The following DPP10 variants were observed in gnomAD, a reference collection of about 807,000 sequenced individuals.
DPP10 encodes dipeptidyl peptidase like 10.
In DPP10, 33 loss-of-function variants were observed where a neutral mutation model predicts 120.9. The ratio of observed to expected loss-of-function variants is 0.27; its 90% confidence interval spans 0.21 to 0.37. The LOEUF is 0.37. DPP10 is among the 10% of genes least tolerant of loss of function. The probability of loss-of-function intolerance (pLI) is 1.00; values close to 1 mark genes in which losing one functional copy is unlikely to be tolerated. For missense variants in DPP10, 816 were observed against 942.8 expected, an observed-to-expected ratio of 0.87 and a Z score of 1.76; for synonymous variants, 337 against 326.1, an observed-to-expected ratio of 1.03 and a Z score of -0.36.
intron 2 of DPP10, among the ~76,000 whole-genome samples, chr2:115,314,476 T>G (rs1352408727): frequency 2.6e-5 from 4 of 152,192 alleles, no homozygotes; most frequent in Non-Finnish European, 4.4e-5. Flanking sequence ...AGTACACTTT[T>G]TAGGTGTGCA....
Position 115,288,443 on chromosome 2 carries a change from C to T in DPP10, c.61-20796C>T, listed in dbSNP as rs904628487. On this transcript the variant is annotated intron_variant, in intron 1 of 25. Transcript: ENST00000410059. ...GATAAAAACCCTCAACCTGGTCAGG[C>T]GTGGTGGCTCACACCTGTAATCCCA... Among the ~76,000 whole-genome samples, 9 of 152,134 alleles carry T rather than the reference C, an allele frequency of 5.9e-5. No individual in the cohort carries two copies. The East Asian group carries it at 1.2e-3, about 20-fold the overall frequency.
intron 1 of DPP10, among the ~76,000 whole-genome samples, chr2:114,629,524 TA>T (rs1694764041): frequency 6.6e-6 from 1 of 152,220 alleles, no homozygotes; most frequent in South Asian, 2.1e-4. Context: ...GATAACATTT[TA>T]AAAGAAGTTT....
At chr2:115,581,372 A>G (rs1051548943) in intron 5 of DPP10, among the ~76,000 whole-genome samples, 36 of 152,096 alleles carry the variant, frequency 2.4e-4, no homozygotes, top group Admixed American at 6.6e-4. Context: ...ATCCAGGTTC[A>G]TTATCACCTT....
At chr2:115,801,984 A>G (rs1244981293) in intron 19 of DPP10, among the ~76,000 whole-genome samples, 1 of 151,886 alleles carries the variant, frequency 6.6e-6, no homozygotes, top group East Asian at 2.0e-4. Context: ...TTTTCTATTG[A>G]TTGGAATAGT....
chr2:115,596,878 T>G (rs916451121), intron 5 of DPP10, among the ~76,000 whole-genome samples: 1 of 152,202 alleles, frequency 6.6e-6, no homozygotes, highest in Non-Finnish European at 1.5e-5. Flanking sequence ...TATGTAAATT[T>G]CTTTTACAAA....
At chr2:114,795,862 C>T (rs1374051948) in intron 1 of DPP10, among the ~76,000 whole-genome samples, 3 of 152,116 alleles carry the variant, frequency 2.0e-5, no homozygotes. Context: ...TATCAAAACT[C>T]ATGGACACAC....
At chr2:114,683,952 A>G (rs894586171) in intron 1 of DPP10, among the ~76,000 whole-genome samples, 1 of 152,028 alleles carries the variant, frequency 6.6e-6, no homozygotes, top group African/African-American at 2.4e-5. Context: ...GACAGAATAT[A>G]AACTGCTGAT....
chr2:115,560,822 G>T lies in DPP10; in HGVS notation c.441+34850G>T, dbSNP rs1009859385. On this transcript the variant is annotated intron_variant, in intron 5 of 25. Coordinates refer to ENST00000410059, the MANE Select transcript of DPP10 (RefSeq NM_020868.6). ...GGTCATTATGACCATTAACTCTTCC[G>T]TACGAAAGTATTTTGAAGTGAATCA... Among the ~76,000 whole-genome samples the T allele has an allele frequency of 5.3e-5, 8 of 152,046 alleles. No homozygotes were observed. The South Asian group carries it at 1.0e-3, about 20-fold the overall frequency.
At chr2:115,477,313 G>C (rs2075150068) in intron 3 of DPP10, among the ~76,000 whole-genome samples, 7 of 152,078 alleles carry the variant, frequency 4.6e-5, no homozygotes, top group Admixed American at 4.6e-4. Context: ...TAAGCAAAGT[G>C]ACAGGGTACA....
intron 5 of DPP10, among the ~76,000 whole-genome samples, chr2:115,536,373 T>G (rs2078840323): frequency 6.6e-6 from 1 of 152,020 alleles, no homozygotes; most frequent in Admixed American, 6.6e-5. Flanking sequence ...TTTCATGTGG[T>G]GATATCATAA....
intron 1 of DPP10, among the ~76,000 whole-genome samples, chr2:115,297,808 C>G (rs2105959442): frequency 6.6e-6 from 1 of 152,186 alleles, no homozygotes; most frequent in Admixed American, 6.5e-5. Context: ...CCCCTGAAAT[C>G]AAGCTTAAAG....
intron 5 of DPP10, among the ~76,000 whole-genome samples, chr2:115,665,267 C>A (rs2089355074): frequency 6.6e-6 from 1 of 152,166 alleles, no homozygotes; most frequent in South Asian, 2.1e-4. Flanking sequence ...TTGACAAAGG[C>A]ACATGTTCCT....
intron 1 of DPP10, among the ~76,000 whole-genome samples, chr2:114,908,414 A>C (rs1694131777): frequency 6.6e-6 from 1 of 151,860 alleles, no homozygotes; most frequent in African/African-American, 2.4e-5. Flanking sequence ...TCATTTAATA[A>C]ACATTTCCTG....
intron 2 of DPP10, among the ~76,000 whole-genome samples, chr2:115,332,321 C>G (rs892181400): frequency 2.6e-5 from 4 of 152,006 alleles, no homozygotes; most frequent in South Asian, 2.1e-4. Context: ...CTCTTTACTT[C>G]TTTATTAGTT....
intron 1 of DPP10, among the ~76,000 whole-genome samples, chr2:114,895,325 A>T (rs1558854042): frequency 6.6e-6 from 1 of 152,236 alleles, no homozygotes; most frequent in Non-Finnish European, 1.5e-5. Context: ...CACTATGGTG[A>T]TCATTAGAGA....
intron 1 of DPP10, among the ~76,000 whole-genome samples, chr2:114,803,916 G>T (rs1225443248): frequency 6.6e-6 from 1 of 152,196 alleles, no homozygotes; most frequent in African/African-American, 2.4e-5. Context: ...CAAGACCATG[G>T]GGAAAATGTC....
chr2:115,797,708 TTC>T (rs765048360), intron 19 of DPP10, among the ~76,000 whole-genome samples: 1 of 151,958 alleles, frequency 6.6e-6, no homozygotes, highest in Non-Finnish European at 1.5e-5. Context: ...GATCATTTGT[TTC>T]TGTTTTTTTC....
chr2:114,606,399 A>T (rs1692807925), intron 1 of DPP10, among the ~76,000 whole-genome samples: 1 of 152,006 alleles, frequency 6.6e-6, no homozygotes, highest in Non-Finnish European at 1.5e-5. Flanking sequence ...TGATGCTCTC[A>T]TGCTGCTTGT....
At chr2:115,646,338 C>A (rs1218076048) in intron 5 of DPP10, among the ~76,000 whole-genome samples, 1 of 151,878 alleles carries the variant, frequency 6.6e-6, no homozygotes, top group Non-Finnish European at 1.5e-5. Context: ...TACAGTGGGG[C>A]TATTAGCACT....
Sources: gnomAD v4.1 joint callset for allele counts (sites outside exome capture counted in the v4.1 genomes callset) on GRCh38, gnomAD v4.1.1 for gene constraint, MANE v1.5 for transcripts, NCBI Gene and HGNC (gene_info 2026-07-23, HGNC 2026-07-21) for gene names.